DOK6: variants seen among roughly 807,000 people sequenced by gnomAD.
DOK6 encodes downstream of tyrosine kinase 6.
DOK6 carries 22 observed loss-of-function variants against 44.0 expected under a neutral mutation model. That is an observed-to-expected ratio of 0.50 (90% CI 0.36 to 0.71). The LOEUF (loss-of-function observed/expected upper bound fraction) is 0.71, where lower values mean the gene tolerates loss of function less well. DOK6 is among the 30% of genes least tolerant of loss of function. The pLI, the probability that DOK6 is intolerant of heterozygous loss-of-function variation, is 0.00. For missense variants in DOK6, 340 were observed against 416.4 expected, an observed-to-expected ratio of 0.82 and a Z score of 1.60; for synonymous variants, 166 against 145.5, an observed-to-expected ratio of 1.14 and a Z score of -1.01.
At chr18:69,599,987 G>A (rs912583131) in intron 3 of DOK6, among the ~76,000 whole-genome samples, 11 of 152,172 alleles carry the variant, frequency 7.2e-5, no homozygotes, top group Non-Finnish European at 8.8e-5. Context: ...ATCTCAGTTC[G>A]TAAAGCACTC....
At chr18:69,830,120 C>T (rs779741709) in intron 7 of DOK6, among the ~76,000 whole-genome samples, 24 of 152,202 alleles carry the variant, frequency 1.6e-4, no homozygotes, top group African/African-American at 2.2e-4. Context: ...ATTGTTCCAA[C>T]GTCCAAACCC....
chr18:69,668,274 G>T (rs7241901), intron 3 of DOK6, among the ~76,000 whole-genome samples: 140,081 of 152,136 alleles, frequency 0.92, 65,222 homozygotes, highest in Non-Finnish European at 0.99. Flanking sequence ...CCTTTTTACT[G>T]CTTTTTTAGT....
At chr18:69,544,260 A>AAAAAC (rs1329193172) in intron 1 of DOK6, among the ~76,000 whole-genome samples, 6 of 151,552 alleles carry the variant, frequency 4.0e-5, no homozygotes, top group African/African-American at 1.2e-4. Context: ...TCCATCTCAG[A>AAAAAC]AAAACAAAAC....
At chr18:69,706,932 C>T (rs981628195) in intron 5 of DOK6, among the ~76,000 whole-genome samples, 22 of 151,902 alleles carry the variant, frequency 1.4e-4, no homozygotes, top group African/African-American at 5.1e-4. Flanking sequence ...TCCAGTCTAT[C>T]ATTGTTGGAC....
intron 7 of DOK6, among the ~76,000 whole-genome samples, chr18:69,825,196 T>G (rs182243527): frequency 1.7e-4 from 26 of 152,282 alleles, no homozygotes; most frequent in African/African-American, 6.0e-4. Context: ...CATAAACTGT[T>G]TCTGTCTTTG....
chr18:69,404,290 C>A (rs2122378878), intron 1 of DOK6, among the ~76,000 whole-genome samples: 1 of 152,312 alleles, frequency 6.6e-6, no homozygotes, highest in South Asian at 2.1e-4. Flanking sequence ...CAAAAAGGCC[C>A]TTGCCCTGTG....
chr18:69,512,090 G>A (rs1599166677), intron 1 of DOK6, among the ~76,000 whole-genome samples: 3 of 128,838 alleles, frequency 2.3e-5, no homozygotes, highest in Admixed American at 8.7e-5. Context: ...CCCCCCACAC[G>A]CACCCCCCCA....
chr18:69,592,789 T>C (rs1362616241), intron 2 of DOK6, among the ~76,000 whole-genome samples: 2 of 152,200 alleles, frequency 1.3e-5, no homozygotes, highest in Non-Finnish European at 2.9e-5. Flanking sequence ...TTATTTTTAA[T>C]GATGCAATAA....
At chr18:69,401,435 G>C in intron 1 of DOK6, 125 bp downstream of exon 1, 1 of 1,144,064 alleles carries the variant, frequency 8.7e-7, no homozygotes, top group Non-Finnish European at 1.2e-6. Context: ...CCCTTAGGCG[G>C]ATGGCCCGCT....
At chr18:69,678,413 G>C (rs910268788) in intron 4 of DOK6, among the ~76,000 whole-genome samples, 1 of 152,170 alleles carries the variant, frequency 6.6e-6, no homozygotes, top group African/African-American at 2.4e-5. Context: ...TTGTTCTTCA[G>C]AAGGCTTTTG....
intron 3 of DOK6, among the ~76,000 whole-genome samples, chr18:69,657,602 A>T (rs1640375448): frequency 6.6e-6 from 1 of 152,246 alleles, no homozygotes. Flanking sequence ...TGATGTAATG[A>T]GATTTTTGAT....
At chr18:69,432,808 C>T (rs961456078) in intron 1 of DOK6, among the ~76,000 whole-genome samples, 4 of 151,994 alleles carry the variant, frequency 2.6e-5, no homozygotes, top group Non-Finnish European at 4.4e-5. Flanking sequence ...TAAATTCATA[C>T]AATTTTAAAA....
rs182841536 is a variant in DOK6, at chr18:69,604,895, A to G, written c.289+5397A>G. 2.8e-3 allele frequency among the ~76,000 whole-genome samples: 422 copies of G among 152,302 alleles called. 1 individual carries two copies. The highest frequency in any genetic ancestry group is 0.01 in the Middle Eastern group (3 of 294). ...ATTTTATTTGTATAAATTTGAGGGT[A>G]CAGGTGCAGTTTTGTTATGTGGGTA... On this transcript the variant is annotated intron_variant, in intron 3 of 7. Coordinates refer to ENST00000382713, the MANE Select transcript of DOK6 (RefSeq NM_152721.6).
At chr18:69,737,180 G>T (rs1009776289) in intron 5 of DOK6, among the ~76,000 whole-genome samples, 2 of 152,122 alleles carry the variant, frequency 1.3e-5, no homozygotes, top group Non-Finnish European at 2.9e-5. Context: ...CTCCTACAAA[G>T]AAATACCCAA....
At chr18:69,752,252 T>G (rs1222041605) in intron 6 of DOK6, among the ~76,000 whole-genome samples, 1 of 152,074 alleles carries the variant, frequency 6.6e-6, no homozygotes, top group African/African-American at 2.4e-5. Flanking sequence ...AAAAATGTAT[T>G]TTTTTAAAAA....
intron 1 of DOK6, among the ~76,000 whole-genome samples, chr18:69,546,407 AACCTCTC>A (rs1186930846): frequency 6.6e-6 from 1 of 151,508 alleles, no homozygotes; most frequent in African/African-American, 2.4e-5. Flanking sequence ...TCTCTTCCTG[AACCTCTC>A]ACTTTCTACC....
At chr18:69,678,909 G>A (rs11659817) in intron 4 of DOK6, among the ~76,000 whole-genome samples, 66,259 of 152,002 alleles carry the variant, frequency 0.44, 15,035 homozygotes, top group East Asian at 0.74. Flanking sequence ...CAGGCGTGGT[G>A]GCTCACACCT....
At chr18:69,651,049 T>C (rs952626937) in intron 3 of DOK6, among the ~76,000 whole-genome samples, 8 of 152,320 alleles carry the variant, frequency 5.3e-5, no homozygotes, top group Admixed American at 1.3e-4. Flanking sequence ...TGGAGAGATG[T>C]AGAAGGCATA....
At chr18:69,696,697 A>C (rs9947481) in intron 4 of DOK6, among the ~76,000 whole-genome samples, 123,153 of 152,128 alleles carry the variant, frequency 0.81, 50,048 homozygotes, top group East Asian at 0.98. Context: ...CCTGTGTAAA[A>C]CCTTTGGGTC....
Sources: allele counts gnomAD v4.1 joint callset (sites outside exome capture counted in the v4.1 genomes callset), GRCh38; gene constraint gnomAD v4.1.1; transcripts MANE v1.5; gene names NCBI Gene and HGNC (gene_info 2026-07-23, HGNC 2026-07-21).